KNG1: variants seen among roughly 807,000 people sequenced by gnomAD.
KNG1 encodes kininogen 1.
A neutral mutation model predicts 47.8 loss-of-function variants in KNG1; 23 were observed. The ratio of observed to expected loss-of-function variants is 0.48; its 90% CI spans 0.35 to 0.68. The LOEUF (loss-of-function observed/expected upper bound fraction) is 0.68, where lower values mean the gene tolerates loss of function less well. Ranked by LOEUF, KNG1 falls within the 30% of genes least tolerant of loss-of-function variation. The pLI is 0.01. For synonymous variants in KNG1, 277 were observed against 277.0 expected (o/e 1.00, Z 0.00); for missense variants, 762 against 790.2 (o/e 0.96, Z 0.43).
chr3:186,734,695 G>A (rs1219177316), intron 7 of KNG1: 3 of 152,018 alleles, frequency 2.0e-5, no homozygotes, highest in African/African-American at 4.8e-5. Context: ...AAAATTAGCA[G>A]GGTGTAGTGG....
intron 4 of KNG1, among the ~76,000 whole-genome samples, chr3:186,725,542 G>GTTTTTTTT (rs1560063426): frequency 2.7e-5 from 2 of 75,018 alleles, no homozygotes; most frequent in African/African-American, 1.1e-4. Flanking sequence ...CCGGCCTTAG[G>GTTTTTTTT]ATTTTTTTTT....
Position 186,742,138 on chromosome 3 carries a change from T to C in KNG1, c.1742T>C (p.Ile581Thr), listed in dbSNP as rs710446. 665,613 of 1,613,454 alleles carry C rather than the reference T, an allele frequency of 0.41. 138,838 individuals are homozygous for C. The highest frequency in any genetic ancestry group is 0.52 in the African/African-American group (39,003 of 74,826). Reference sequence around the variant, plus strand: ...ATGCCTCCTATATCACCAGCTCCCATACAGAGTGATGACGATTGGATCCCT... The same window carrying C: ...ATGCCTCCTATATCACCAGCTCCCACACAGAGTGATGACGATTGGATCCCT... ...TMMPPISPAP[I>T]QSDDDWIPDI... The change falls in exon 10 of 10, where the codon ATA becomes ACA. Residue 581 changes from isoleucine to threonine, a missense_variant. Transcript: ENST00000644859.
At chr3:186,729,353 T>C (rs914279827) in intron 5 of KNG1, among the ~76,000 whole-genome samples, 5 of 152,212 alleles carry the variant, frequency 3.3e-5, no homozygotes, top group Non-Finnish European at 2.9e-5. Context: ...GAAATGCATA[T>C]TCAAACACGT....
intron 5 of KNG1, among the ~76,000 whole-genome samples, chr3:186,730,691 T>A (rs1224431453): frequency 1.4e-3 from 20 of 14,312 alleles, no homozygotes; most frequent in African/African-American, 4.5e-3. Flanking sequence ...AAAATATATA[T>A]ATATATATAT....
chr3:186,720,369 G>A (rs1358347223), intron 2 of KNG1, 154 bp downstream of exon 2: 1 of 671,022 alleles, frequency 1.5e-6, no homozygotes, highest in Non-Finnish European at 2.7e-6. Flanking sequence ...CTTTATATCT[G>A]TGTTCTTGTA....
Position 186,741,949 on chromosome 3 carries a change from G to C in KNG1, c.1553G>C (p.Gly518Ala), listed in dbSNP as rs1318666575. ...GGCAAAAAGAATGGAAAGCACAATG[G>C]TTGGAAAACAGAGCATTTGGCAAGC... ...NKGKKNGKHN[G>A]WKTEHLASSS... is the part of the protein sequence containing the mutation. Residue 518 changes from glycine to alanine, a missense_variant, in exon 10 of 10, where the codon GGT (glycine) becomes GCT (alanine). Physicochemically the swap from Gly to Ala is moderately conservative, Grantham distance 60. Transcript: ENST00000644859. 1 of 1,614,202 alleles carries C rather than the reference G, an allele frequency of 6.2e-7. No homozygotes were observed. The highest frequency in any genetic ancestry group is 1.1e-5 in the South Asian group (1 of 91,086).
chr3:186,739,740 T>C (rs1035692345), intron 9 of KNG1, among the ~76,000 whole-genome samples: 5 of 152,210 alleles, frequency 3.3e-5, no homozygotes, highest in African/African-American at 9.6e-5. Flanking sequence ...TGCATTCTGC[T>C]GACATGCAAG....
At chr3:186,720,852 C>T (rs544507389) in intron 2 of KNG1, among the ~76,000 whole-genome samples, 8 of 129,356 alleles carry the variant, frequency 6.2e-5, no homozygotes, top group African/African-American at 1.8e-4. Flanking sequence ...TGCAGTGGCG[C>T]GATCTCGGCT....
Position 186,742,953 on chromosome 3 carries a change from A to G in KNG1, c.*622A>G, listed in dbSNP as rs895251463. On this transcript the variant is annotated 3_prime_UTR_variant, in exon 10 of 10. Transcript: ENST00000644859. ...ATTTCAAAGTAACAAGAAAGAAGAC[A>G]GGTTGGCCAAAGGGAGGAAAGGGGG... is the stretch of plus-strand genomic sequence containing the variant. 1 of 984,108 alleles carries G rather than the reference A, an allele frequency of 1.0e-6. No homozygotes were observed. Among genetic ancestry groups the G allele is most frequent in the Non-Finnish European group, 1.2e-6 (1 of 828,774 alleles). The allele number at this position is 984,108 out of a possible 1,614,324, so 61.0% of individuals were successfully genotyped here.
At chr3:186,724,941 C>T (rs1421359242) in intron 3 of KNG1, 147 bp from the exon 4 acceptor site, 4 of 708,670 alleles carry the variant, frequency 5.6e-6, no homozygotes, top group African/African-American at 3.5e-5. Flanking sequence ...GAACTCCTGA[C>T]CTCAGGCGAT....
chr3:186,717,979 A>AC, intron 1 of KNG1: 1 of 318,578 alleles, frequency 3.1e-6, no homozygotes, highest in Non-Finnish European at 5.6e-6. Flanking sequence ...ACCCACCACC[A>AC]CCCACCATCA....
intron 2 of KNG1, chr3:186,720,511 G>C: frequency 3.5e-5 from 12 of 339,294 alleles, no homozygotes; most frequent in Non-Finnish European, 5.6e-5. Context: ...TTTGGGCCAA[G>C]CCAAAGAGCT....
intron 7 of KNG1, among the ~76,000 whole-genome samples, chr3:186,733,115 G>A (rs904204939): frequency 6.6e-6 from 1 of 152,032 alleles, no homozygotes; most frequent in African/African-American, 2.4e-5. Flanking sequence ...GTGTGGTGGT[G>A]CACACCTGTA....
intron 1 of KNG1, among the ~76,000 whole-genome samples, chr3:186,718,728 A>G (rs1001869781): frequency 6.6e-5 from 10 of 152,126 alleles, no homozygotes; most frequent in Non-Finnish European, 7.4e-5. Context: ...GGGAGGGGGT[A>G]CTTCATGGGG....
Position 186,742,258 on chromosome 3 carries a change from C to T in KNG1, c.1862C>T (p.Ser621Leu), listed in dbSNP as rs1560071720. 1 of 1,614,044 alleles carries T rather than the reference C, an allele frequency of 6.2e-7. No individual in the cohort carries two copies. Among genetic ancestry groups the T allele is most frequent in the Non-Finnish European group, 8.5e-7 (1 of 1,180,036 alleles). ...AAATGTCCTGGACGCCCCTGGAAGTCAGTTAGTGAAATTAATCCAACCACA... is the reference window on the plus strand; with the variant it reads ...AAATGTCCTGGACGCCCCTGGAAGTTAGTTAGTGAAATTAATCCAACCACA... The part of the protein sequence containing the change: ...SPKCPGRPWK[S>L]VSEINPTTQM... Residue 621 changes from serine (S) to leucine (L), a missense_variant, in exon 10 of 10, where the codon TCA (serine) becomes TTA (leucine). Physicochemically the swap from Ser to Leu is moderately radical, Grantham distance 145 (BLOSUM62 -2). Coordinates refer to ENST00000644859, the MANE Select transcript of KNG1 (RefSeq NM_001102416.3).
intron 6 of KNG1, 139 bp downstream of exon 6, chr3:186,731,768 C>G (rs1326552040): frequency 1.4e-6 from 1 of 696,316 alleles, no homozygotes; most frequent in African/African-American, 1.8e-5. Flanking sequence ...AGATGCACCC[C>G]TTGATGAGAA....
At chr3:186,718,085 A>C (rs1579109265) in intron 1 of KNG1, 3 of 192,356 alleles carry the variant, frequency 1.6e-5, no homozygotes, top group Admixed American at 1.9e-4. Context: ...CACCACCACC[A>C]ACCACCACCA....
intron 6 of KNG1, among the ~76,000 whole-genome samples, 163 bp downstream of exon 6, chr3:186,731,792 C>T (rs1720540610): frequency 6.6e-6 from 1 of 152,196 alleles, no homozygotes; most frequent in Non-Finnish European, 1.5e-5. Flanking sequence ...TGTACCCCTT[C>T]GCTGCCCAGT....
intron 4 of KNG1, among the ~76,000 whole-genome samples, chr3:186,726,062 C>T (rs1188765517): frequency 6.6e-6 from 1 of 151,910 alleles, no homozygotes; most frequent in Non-Finnish European, 1.5e-5. Flanking sequence ...TCCCAAGGAA[C>T]TGGGATTACA....
Sources: gnomAD v4.1 joint callset for allele counts (sites outside exome capture counted in the v4.1 genomes callset) on GRCh38, gnomAD v4.1.1 for gene constraint, MANE v1.5 for transcripts, NCBI Gene and HGNC (gene_info 2026-07-23, HGNC 2026-07-21) for gene names.